CDC42SE2: variants seen among roughly 807,000 people sequenced by gnomAD.
CDC42SE2 encodes the protein CDC42 small effector 2, also known as CDC42 small effector protein 2.
Under a neutral mutation model 11.5 loss-of-function variants are expected in CDC42SE2, and 3 were observed. The observed-to-expected ratio is 0.26, with a 90% CI of 0.12 to 0.67. The LOEUF is 0.67. Ranked by LOEUF, CDC42SE2 falls within the 30% of genes least tolerant of loss-of-function variation. The probability of loss-of-function intolerance (pLI) is 0.80; values close to 1 mark genes in which losing one functional copy is unlikely to be tolerated. For synonymous variants in CDC42SE2, 33 were observed against 34.8 expected (o/e 0.95, Z 0.18); for missense variants, 82 against 106.8 (o/e 0.77, Z 1.02).
At chr5:131,297,500 A>G (rs990202649) in intron 1 of CDC42SE2, among the ~76,000 whole-genome samples, 1 of 152,040 alleles carries the variant, frequency 6.6e-6, no homozygotes, top group Admixed American at 6.6e-5. Flanking sequence ...CGGGTGGATC[A>G]CGAGGTCAGG....
At chr5:131,366,531 A>C (rs1309271327) in intron 3 of CDC42SE2, among the ~76,000 whole-genome samples, 2 of 152,134 alleles carry the variant, frequency 1.3e-5, no homozygotes, top group Non-Finnish European at 2.9e-5. Context: ...GTTGATCTTT[A>C]TTCAGTTCAG....
Position 131,390,989 on chromosome 5 carries a change from T to C in CDC42SE2, c.157-4T>C. Reference sequence around the variant, plus strand: ...TGTTTTGTTGTATTTTTGTCTTGTTTTAGGTTAGCTCCATTCAGAACCAAA... The same window carrying C: ...TGTTTTGTTGTATTTTTGTCTTGTTCTAGGTTAGCTCCATTCAGAACCAAA... On this transcript the variant is annotated splice_polypyrimidine_tract_variant and splice_region_variant and intron_variant, in intron 4 of 4. Transcript: ENST00000505065. The C allele has an allele frequency of 1.2e-6, 2 of 1,604,682 alleles. No homozygotes were observed. Among genetic ancestry groups the C allele is most frequent in the Non-Finnish European group, 1.7e-6 (2 of 1,173,080 alleles).
At chr5:131,322,710 G>C (rs577109408) in intron 2 of CDC42SE2, among the ~76,000 whole-genome samples, 1 of 152,124 alleles carries the variant, frequency 6.6e-6, no homozygotes, top group East Asian at 1.9e-4. Context: ...TGGACATTTG[G>C]GTTGCTTCTA....
rs188687434 is a variant in CDC42SE2, at chr5:131,366,993, C to G, written c.54+7446C>G. Among the ~76,000 whole-genome samples, 159 of 151,990 alleles carry G rather than the reference C, an allele frequency of 1.0e-3. 1 individual carries two copies. The highest frequency in any genetic ancestry group is 3.3e-3 in the African/African-American group (137 of 41,460). On this transcript the variant is annotated intron_variant, in intron 3 of 4. Transcript: ENST00000505065. The stretch of plus-strand genomic sequence containing the variant: ...AGTGAGCCAGGATCGCATCCCTGCA[C>G]TCCAGCCTGGGCAACAGAGTGAAAC...
chr5:131,233,644 G>A, the CDC42SE2 span, among the ~76,000 whole-genome samples: 1 of 152,196 alleles, frequency 6.6e-6, no homozygotes, highest in Non-Finnish European at 1.5e-5. Flanking sequence ...TGGGATTACA[G>A]GTGTAAGCTG....
the CDC42SE2 span, among the ~76,000 whole-genome samples, chr5:131,232,512 T>C: frequency 6.6e-6 from 1 of 151,924 alleles, no homozygotes; most frequent in Non-Finnish European, 1.5e-5. Context: ...GCGGGTGGAT[T>C]ACCTAAGATC....
the CDC42SE2 span, among the ~76,000 whole-genome samples, chr5:131,221,608 CA>C: frequency 6.6e-6 from 1 of 151,250 alleles, no homozygotes; most frequent in Non-Finnish European, 1.5e-5. Context: ...AAAAAAAAAA[CA>C]AAACAAAATA....
intron 2 of CDC42SE2, among the ~76,000 whole-genome samples, chr5:131,358,241 G>T (rs1749609898): frequency 6.6e-6 from 1 of 152,120 alleles, no homozygotes; most frequent in African/African-American, 2.4e-5. Flanking sequence ...GTAGTAGTCT[G>T]CAAGTGATAT....
intron 1 of CDC42SE2, among the ~76,000 whole-genome samples, chr5:131,305,836 A>G (rs1473011058): frequency 6.6e-6 from 1 of 152,206 alleles, no homozygotes; most frequent in East Asian, 1.9e-4. Flanking sequence ...GCTCAGACCA[A>G]TGTCATGTAA....
chr5:131,310,768 CT>C (rs1354234213), intron 1 of CDC42SE2, among the ~76,000 whole-genome samples: 52 of 151,952 alleles, frequency 3.4e-4, no homozygotes, highest in African/African-American at 1.2e-3. Context: ...ATTGCAACCC[CT>C]GCCTTTTTTT....
chr5:131,367,059 T>G (rs1481662609), intron 3 of CDC42SE2, among the ~76,000 whole-genome samples: 1 of 151,142 alleles, frequency 6.6e-6, no homozygotes, highest in Non-Finnish European at 1.5e-5. Flanking sequence ...ATATATAATT[T>G]TATATGCTTA....
chr5:131,381,335 T>C (rs1750319216), intron 3 of CDC42SE2, among the ~76,000 whole-genome samples: 1 of 150,510 alleles, frequency 6.6e-6, no homozygotes, highest in African/African-American at 2.5e-5. Flanking sequence ...TTTTTTTTTG[T>C]TTTTTTGAGA....
Position 131,359,539 on chromosome 5 carries a change from C to G in CDC42SE2, c.46C>G (p.Pro16Ala). 6.2e-7 allele frequency: 1 copy of G among 1,611,878 alleles called. No homozygotes were observed. The highest frequency in any genetic ancestry group is 8.5e-7 in the Non-Finnish European group (1 of 1,178,018). The change falls in exon 3 of 5, where the codon CCT (proline) becomes GCT (alanine). Residue 16 changes from proline (P) to alanine (A), a missense_variant. By Grantham distance (27) the Pro-to-Ala change is conservative. Coordinates refer to ENST00000505065, the MANE Select transcript of CDC42SE2 (RefSeq NM_001375635.1). The part of the protein sequence containing the change: ...LCFNCCIAEQ[P>A]QPKRRRRIDR... ...TTTCAACTGCTGTATTGCAGAACAG[C>G]CTCAGCCTGTAAGTATGAAGTATGT... is the stretch of plus-strand genomic sequence containing the variant.
chr5:131,333,992 A>G (rs1758490903), intron 2 of CDC42SE2, among the ~76,000 whole-genome samples: 1 of 152,186 alleles, frequency 6.6e-6, no homozygotes, highest in Non-Finnish European at 1.5e-5. Context: ...CAGAACTTCC[A>G]ACACTATGTT....
At chr5:131,387,052 G>C (rs1459843734) in intron 4 of CDC42SE2, among the ~76,000 whole-genome samples, 1 of 152,200 alleles carries the variant, frequency 6.6e-6, no homozygotes, top group African/African-American at 2.4e-5. Context: ...AAATGCAAGA[G>C]GTATCATGTT....
At chr5:131,281,678 G>T (rs1028756285) in intron 1 of CDC42SE2, among the ~76,000 whole-genome samples, 2 of 152,172 alleles carry the variant, frequency 1.3e-5, no homozygotes, top group African/African-American at 4.8e-5. Flanking sequence ...GTAAGTGGCA[G>T]AACAAGTATT....
chr5:131,258,028 G>A (rs1756692209), intron 2 of CDC42SE2, among the ~76,000 whole-genome samples: 1 of 152,100 alleles, frequency 6.6e-6, no homozygotes, highest in African/African-American at 2.4e-5. Context: ...ATTGCCAGCA[G>A]AGTCCACTCC....
intron 1 of CDC42SE2, among the ~76,000 whole-genome samples, chr5:131,289,267 T>G (rs1303707589): frequency 6.6e-6 from 1 of 152,228 alleles, no homozygotes; most frequent in African/African-American, 2.4e-5. Flanking sequence ...GTATGTTTTC[T>G]CATCAGAAGT....
At chr5:131,273,112 C>T (rs1400660377) in intron 1 of CDC42SE2, among the ~76,000 whole-genome samples, 1 of 150,772 alleles carries the variant, frequency 6.6e-6, no homozygotes, top group Non-Finnish European at 1.5e-5. Context: ...CTCATTCTGT[C>T]TAGCTAGAAT....
Sources: gnomAD v4.1 joint callset for allele counts (sites outside exome capture counted in the v4.1 genomes callset) on GRCh38, gnomAD v4.1.1 for gene constraint, MANE v1.5 for transcripts, NCBI Gene and HGNC (gene_info 2026-07-23, HGNC 2026-07-21) for gene names.